GLIPR1L2: variants seen among roughly 807,000 people sequenced by gnomAD.
GLIPR1L2 encodes GLIPR1-like protein 2.
Under a neutral mutation model 28.4 loss-of-function variants are expected in GLIPR1L2, and 21 were observed. The ratio of observed to expected loss-of-function variants is 0.74; its 90% CI spans 0.52 to 1.06. The LOEUF (loss-of-function observed/expected upper bound fraction) is 1.06, where lower values mean the gene tolerates loss of function less well. Among genes scored for constraint, GLIPR1L2 ranks in the 50% least tolerant of loss-of-function variants. GLIPR1L2 has a pLI of 0.00. For synonymous variants in GLIPR1L2, 145 were observed against 139.3 expected (o/e 1.04, Z -0.29); for missense variants, 476 against 416.9 (o/e 1.14, Z -1.23).
intron 2 of GLIPR1L2, among the ~76,000 whole-genome samples, chr12:75,411,762 ATTTC>A (rs1013593552): frequency 4.6e-5 from 7 of 151,968 alleles, no homozygotes; most frequent in Non-Finnish European, 8.8e-5. Context: ...GTGTCTCTTT[ATTTC>A]TTTAAGAATC....
At chr12:75,401,018 A>G (rs984029720) in intron 1 of GLIPR1L2, among the ~76,000 whole-genome samples, 4 of 152,032 alleles carry the variant, frequency 2.6e-5, no homozygotes, top group Non-Finnish European at 5.9e-5. Flanking sequence ...AAAGATTATC[A>G]TAATGATTTG....
rs112639496 is a variant in GLIPR1L2 at position 75,424,721 on chromosome 12, G to A, written c.670+1732G>A. On this transcript the variant is annotated intron_variant, in intron 4 of 5. Transcript: ENST00000550916. ...TACCTCAGCCTCCCAAATATATTAT[G>A]TTTTTGTGCTGAAGAAAAAACAGAA... 2.7e-3 allele frequency among the ~76,000 whole-genome samples: 407 copies of A among 152,020 alleles called. 2 individuals are homozygous for A. The highest frequency in any genetic ancestry group is 9.4e-3 in the African/African-American group (390 of 41,468).
chr12:75,413,879 T>A (rs1226028124), intron 3 of GLIPR1L2, among the ~76,000 whole-genome samples, 178 bp downstream of exon 3: 1 of 152,048 alleles, frequency 6.6e-6, no homozygotes, highest in Non-Finnish European at 1.5e-5. Context: ...ATATTGATTG[T>A]ACTTATACAC....
intron 2 of GLIPR1L2, among the ~76,000 whole-genome samples, chr12:75,411,840 C>A (rs1293662756): frequency 6.6e-6 from 1 of 151,936 alleles, no homozygotes; most frequent in African/African-American, 2.4e-5. Flanking sequence ...CTCTTTCTTG[C>A]ACAGAGGTTA....
chr12:75,393,642 G>A (rs968717834), intron 1 of GLIPR1L2, among the ~76,000 whole-genome samples: 8 of 151,790 alleles, frequency 5.3e-5, no homozygotes, highest in African/African-American at 1.9e-4. Flanking sequence ...TCCATTCATT[G>A]GTCAGTGGAT....
In GLIPR1L2 at chr12:75,413,659, A is replaced by G. The variant is rs140863628; in HGVS notation, c.542A>G (p.His181Arg). 3 of 1,560,996 alleles carry G rather than the reference A, an allele frequency of 1.9e-6. No individual in the cohort carries two copies. The highest frequency in any genetic ancestry group is 1.4e-5 in the African/African-American group (1 of 72,364). The change falls in exon 3 of 6, where the codon CAT becomes CGT. Residue 181 changes from histidine (H) to arginine (R), a missense_variant. Transcript: ENST00000550916. ...GTTACTCCATGTTCAAAAATTGGAC[A>G]TATTATACATGCAGCAATTTTCATA... ...CAVTPCSKIG[H>R]IIHAAIFICN...
chr12:75,402,020 G>A (rs542600270), intron 1 of GLIPR1L2, among the ~76,000 whole-genome samples: 17 of 152,154 alleles, frequency 1.1e-4, no homozygotes, highest in Admixed American at 2.0e-4. Flanking sequence ...AGACACATTC[G>A]TGATAAGCCT....
intron 1 of GLIPR1L2, among the ~76,000 whole-genome samples, chr12:75,396,116 C>T (rs555041403): frequency 6.6e-6 from 1 of 151,930 alleles, no homozygotes; most frequent in African/African-American, 2.4e-5. Flanking sequence ...TTTGTGATTT[C>T]TTTTTTGATT....
At chr12:75,423,072 G>T in intron 4 of GLIPR1L2, 83 bp downstream of exon 4, 2 of 1,602,142 alleles carry the variant, frequency 1.2e-6, no homozygotes, top group African/African-American at 1.3e-5. Context: ...GTTTTTTATG[G>T]TCATGTTAAT....
Position 75,431,319 on chromosome 12 carries a change from C to T in GLIPR1L2, c.*158C>T. The T allele has an allele frequency of 2.0e-6, 1 of 503,492 alleles. No homozygotes were observed. The highest frequency in any genetic ancestry group is 3.5e-6 in the Non-Finnish European group (1 of 289,152). 31.2% of individuals were successfully genotyped at this position (503,492 alleles called of 1,614,324 possible). ...GTTTTTTATTCCCTTCTCTCCTATACTTATTCAATCAATTTAAATTTGTAA... is the reference window on the plus strand; with the variant it reads ...GTTTTTTATTCCCTTCTCTCCTATATTTATTCAATCAATTTAAATTTGTAA... On this transcript the variant is annotated 3_prime_UTR_variant, in exon 6 of 6. Coordinates refer to ENST00000550916, the MANE Select transcript of GLIPR1L2 (RefSeq NM_001270396.2).
chr12:75,401,937 A>T (rs1251754991), intron 1 of GLIPR1L2, among the ~76,000 whole-genome samples: 3 of 152,184 alleles, frequency 2.0e-5, no homozygotes, highest in Non-Finnish European at 4.4e-5. Flanking sequence ...GAATAGCTGT[A>T]TAAGTAAAAT....
intron 1 of GLIPR1L2, among the ~76,000 whole-genome samples, chr12:75,392,254 A>G (rs2045626253): frequency 6.6e-6 from 1 of 152,200 alleles, no homozygotes; most frequent in Non-Finnish European, 1.5e-5. Flanking sequence ...AATTTAACAC[A>G]TAGCAATTGC....
At chr12:75,426,308 ACTCT>A (rs1357920688) in intron 4 of GLIPR1L2, among the ~76,000 whole-genome samples, 2 of 152,190 alleles carry the variant, frequency 1.3e-5, no homozygotes, top group African/African-American at 4.8e-5. Context: ...AAAAATAGTC[ACTCT>A]AAGTATTTTA....
chr12:75,404,561 T>C (rs928031052), intron 1 of GLIPR1L2, among the ~76,000 whole-genome samples: 2 of 152,080 alleles, frequency 1.3e-5, no homozygotes, highest in Admixed American at 1.3e-4. Context: ...TGATAGCTAC[T>C]AGATATTTAA....
At position 75,431,354 on chromosome 12, in the gene GLIPR1L2, A is replaced by G. The variant is rs2046091587; in HGVS notation, c.*193A>G. 1 of 469,294 alleles carries G rather than the reference A, an allele frequency of 2.1e-6. No individual in the cohort carries two copies. The highest frequency in any genetic ancestry group is 3.8e-5 in the Admixed American group (1 of 26,130). The allele number at this position is 469,294 out of a possible 1,614,324, so 29.1% of individuals were successfully genotyped here. Reference sequence around the variant, plus strand: ...CAATTTAAATTTGTAAAACAAAGAAACAAAAAACATGTAAGGTGGGCTCTT... The same window carrying G: ...CAATTTAAATTTGTAAAACAAAGAAGCAAAAAACATGTAAGGTGGGCTCTT... On this transcript the variant is annotated 3_prime_UTR_variant, in exon 6 of 6. Coordinates refer to ENST00000550916, the MANE Select transcript of GLIPR1L2 (RefSeq NM_001270396.2).
chr12:75,420,182 T>TA (rs2045962770), intron 3 of GLIPR1L2, among the ~76,000 whole-genome samples: 1 of 152,210 alleles, frequency 6.6e-6, no homozygotes, highest in African/African-American at 2.4e-5. Flanking sequence ...GTGAATAATG[T>TA]ACAGACTATG....
chr12:75,400,783 G>A (rs564004471), intron 1 of GLIPR1L2, among the ~76,000 whole-genome samples: 1 of 152,106 alleles, frequency 6.6e-6, no homozygotes, highest in South Asian at 2.1e-4. Context: ...AAATGTAACG[G>A]CAACAATTTA....
chr12:75,414,947 T>C (rs1282689324), intron 3 of GLIPR1L2, among the ~76,000 whole-genome samples: 1 of 151,894 alleles, frequency 6.6e-6, no homozygotes, highest in Non-Finnish European at 1.5e-5. Context: ...AATTAGACAA[T>C]AAAATATACT....
Position 75,431,118 on chromosome 12 carries a change from A to G in GLIPR1L2, c.992A>G (p.Glu331Gly). ...EEEKEEREEEEEETQKEKMEE... is the reference protein window; with the variant it reads ...EEEKEEREEEGEETQKEKMEE... ...GAAAAAGAAGAGAGAGAGGAGGAGGAGGAGGAAACACAAAAAGAAAAGATG... is the reference window on the plus strand; with the variant it reads ...GAAAAAGAAGAGAGAGAGGAGGAGGGGGAGGAAACACAAAAAGAAAAGATG... Residue 331 changes from glutamate to glycine, a missense_variant, in exon 6 of 6, where the codon GAG (glutamate) becomes GGG (glycine). Transcript: ENST00000550916. 1.0e-6 allele frequency: 1 copy of G among 977,510 alleles called. No individual in the cohort carries two copies. The highest frequency in any genetic ancestry group is 1.6e-6 in the Non-Finnish European group (1 of 642,740). 60.6% of individuals were successfully genotyped at this position (977,510 alleles called of 1,614,324 possible). A position where few individuals can be genotyped will look rare whatever the true frequency, so the allele number is the denominator to read the frequency against.
Sources: allele counts gnomAD v4.1 joint callset (sites outside exome capture counted in the v4.1 genomes callset), GRCh38; gene constraint gnomAD v4.1.1; transcripts MANE v1.5; gene names NCBI Gene and HGNC (gene_info 2026-07-23, HGNC 2026-07-21).